The following DOP1B variants were observed in gnomAD, a reference collection of about 807,000 sequenced individuals.
DOP1B encodes the protein protein DOP1B.
DOP1B carries 174 observed loss-of-function variants against 233.5 expected under a neutral mutation model. That is an observed-to-expected ratio of 0.75 (90% CI 0.66 to 0.85). DOP1B has a LOEUF of 0.85. DOP1B is among the 40% of genes least tolerant of loss of function. DOP1B has a pLI of 0.00. For missense variants in DOP1B, 2,652 were observed against 2,846.6 expected, an observed-to-expected ratio of 0.93 and a Z score of 1.56; for synonymous variants, 1,190 against 1,185.6, an observed-to-expected ratio of 1.00 and a Z score of -0.08.
chr21:36,285,596 T>G (rs36068077), intron 32 of DOP1B, among the ~76,000 whole-genome samples: 98,492 of 151,946 alleles, frequency 0.65, 32,590 homozygotes, highest in African/African-American at 0.79. Flanking sequence ...GCCAGAGCTG[T>G]GGGACACTGA....
chr21:36,248,326 A>G (rs2066992588), intron 20 of DOP1B, 54 bp from the exon 21 acceptor site: 2 of 1,588,286 alleles, frequency 1.3e-6, no homozygotes, highest in East Asian at 4.5e-5. Flanking sequence ...CCTCGTGGGA[A>G]GAAAAACCAT....
rs564304952 is a variant in DOP1B at position 36,289,302 on chromosome 21, A to G, written c.6515+96A>G. ...TTGTTTTTCATGTACAGTTTATGGGAAACCACCATCTGGGTTTCTAGTGAC... is the reference window on the plus strand; with the variant it reads ...TTGTTTTTCATGTACAGTTTATGGGGAACCACCATCTGGGTTTCTAGTGAC... On this transcript the variant is annotated intron_variant, in intron 35 of 36. Transcript: ENST00000691173. The G allele has an allele frequency of 2.5e-4, 320 of 1,304,656 alleles. 1 individual carries two copies. The highest frequency in any genetic ancestry group is 5.1e-5 in the Non-Finnish European group (48 of 936,976). The allele number at this position is 1,304,656 out of a possible 1,614,324, so 80.8% of individuals were successfully genotyped here.
Position 36,256,190 on chromosome 21 carries a change from G to A in DOP1B, c.5259+2281G>A, listed in dbSNP as rs561083914. ...AATCTAAATGAAAATTAGGGGGGCC[G>A]GGCATGGTGGCTCATGCCTGTAGTC... On this transcript the variant is annotated intron_variant, in intron 23 of 36. Coordinates refer to ENST00000691173, the MANE Select transcript of DOP1B (RefSeq NM_001320714.2). 5.9e-5 allele frequency among the ~76,000 whole-genome samples: 9 copies of A among 152,248 alleles called. No individual in the cohort carries two copies. The South Asian group carries it at 8.3e-4, about 14-fold the overall frequency.
rs2067491892 is a variant in DOP1B, at chr21:36,286,955, C to T, written c.6161-1059C>T. Among the ~76,000 whole-genome samples, 4 of 150,610 alleles carry T rather than the reference C, an allele frequency of 2.7e-5. No individual in the cohort carries two copies. In the South Asian group the frequency reaches 8.3e-4, roughly 31 times the overall value. On this transcript the variant is annotated intron_variant, in intron 32 of 36. Coordinates refer to ENST00000691173, the MANE Select transcript of DOP1B (RefSeq NM_001320714.2). ...CTCTAGCCTGGGCAACAGAGTGAGA[C>T]TCCATCTCAAAAAAAAAAAAAATTT...
At position 36,200,456 on chromosome 21, in the gene DOP1B, T is replaced by C. The variant is rs1474879689; in HGVS notation, c.446T>C (p.Val149Ala). Reference sequence around the variant, plus strand: ...CTGCCCAGTCTGCAGGCCTTCATCGTGGGCCTGCTGCCCGGCCTTGAAGAG... The same window carrying C: ...CTGCCCAGTCTGCAGGCCTTCATCGCGGGCCTGCTGCCCGGCCTTGAAGAG... ...LLLPSLQAFI[V>A]GLLPGLEEGS... Residue 149 changes from valine (V) to alanine (A), a missense_variant, in exon 4 of 37, where the codon GTG (valine) becomes GCG (alanine). Physicochemically the swap from Val to Ala is moderately conservative, Grantham distance 64. Around this residue, in one of 3 missense-constraint regions of DOP1B, gnomAD observed 2,617 missense variants for 2,794.3 expected, o/e 0.94. Coordinates refer to ENST00000691173, the MANE Select transcript of DOP1B (RefSeq NM_001320714.2). 1 of 1,612,934 alleles carries C rather than the reference T, an allele frequency of 6.2e-7. No homozygotes were observed. The highest frequency in any genetic ancestry group is 2.2e-5 in the East Asian group (1 of 44,860).
At chr21:36,161,650 A>G (rs1442050639) in intron 1 of DOP1B, among the ~76,000 whole-genome samples, 1 of 152,142 alleles carries the variant, frequency 6.6e-6, no homozygotes, top group Non-Finnish European at 1.5e-5. Context: ...CACTGTGCCC[A>G]GATAATTTCA....
chr21:36,263,446 C>CT, intron 24 of DOP1B, 100 bp from the exon 25 acceptor site: 1 of 984,690 alleles, frequency 1.0e-6, no homozygotes, highest in Non-Finnish European at 1.6e-6. Context: ...ATGCTGTTTA[C>CT]CCTTTGCTTT....
chr21:36,281,625 C>T lies in DOP1B; in HGVS notation c.6160+14C>T, dbSNP rs752090535. The T allele has an allele frequency of 1.4e-5, 22 of 1,556,656 alleles. No individual in the cohort carries two copies. The African/African-American group carries it at 2.7e-4, about 19-fold the overall frequency. ...CACTGATACAAGGTAAGACAGCTGT[C>T]TTAGTCTGTTTTTTGCTGCTATAAC... On this transcript the variant is annotated intron_variant, in intron 32 of 36. Coordinates refer to ENST00000691173, the MANE Select transcript of DOP1B (RefSeq NM_001320714.2).
At position 36,212,058 on chromosome 21, in the gene DOP1B, G is replaced by C; in HGVS notation, c.865G>C (p.Asp289His). The change falls in exon 7 of 37, where the codon GAC becomes CAC. Residue 289 changes from aspartate to histidine, a missense_variant. Transcript: ENST00000691173. ...SAATQTLLRR[D>H]MSLNRRLYAW... The stretch of plus-strand genomic sequence containing the variant: ...CGCCACCCAGACCCTACTGAGAAGG[G>C]ACATGTCCCTGAACAGAAGACTGTA... 6.2e-7 allele frequency: 1 copy of C among 1,613,774 alleles called. No homozygotes were observed. The highest frequency in any genetic ancestry group is 8.5e-7 in the Non-Finnish European group (1 of 1,179,938).
At chr21:36,182,790 C>T (rs1268845179) in intron 2 of DOP1B, among the ~76,000 whole-genome samples, 1 of 152,192 alleles carries the variant, frequency 6.6e-6, no homozygotes, top group Non-Finnish European at 1.5e-5. Context: ...GTTTGCACAA[C>T]TGTCCTCTAG....
intron 1 of DOP1B, among the ~76,000 whole-genome samples, chr21:36,163,360 G>GAA (rs1016822093): frequency 6.4e-5 from 9 of 140,138 alleles, no homozygotes; most frequent in African/African-American, 2.4e-4. Flanking sequence ...AAAAAAAAAA[G>GAA]AAAGAAAGAA....
intron 32 of DOP1B, among the ~76,000 whole-genome samples, chr21:36,284,795 A>AAG (rs2146253781): frequency 6.6e-6 from 1 of 151,392 alleles, no homozygotes; most frequent in Non-Finnish European, 1.5e-5. Context: ...AATATAATAG[A>AAG]ATATATATAT....
In DOP1B at chr21:36,158,814, A is replaced by AAG. The variant is rs1337901619; in HGVS notation, c.-27+1872_-27+1873insGA. ...GAGACTCTTGTCTCAAAAAAAAAAAAAAAAGAAAAGAAAAAAGAAATGCAT... is the reference window on the plus strand; with the variant it reads ...GAGACTCTTGTCTCAAAAAAAAAAAAAGAAAAGAAAAGAAAAAAGAAATGCAT... On this transcript the variant is annotated intron_variant, in intron 1 of 36. Coordinates refer to ENST00000691173, the MANE Select transcript of DOP1B (RefSeq NM_001320714.2). Among the ~76,000 whole-genome samples the AAG allele has an allele frequency of 1.5e-3, 209 of 138,552 alleles. 1 individual carries two copies. Among genetic ancestry groups the AAG allele is most frequent in the Middle Eastern group, 7.2e-3 (2 of 276 alleles). The allele number at this position is 138,552 out of a possible 152,430, so 90.9% of individuals were successfully genotyped here. A position where few individuals can be genotyped will look rare whatever the true frequency, so the allele number is the denominator to read the frequency against.
chr21:36,208,787 C>T lies in DOP1B; in HGVS notation c.564C>T (p.Ser188=), dbSNP rs968394788. ...TGTTTTACACCGCCCTCTGGGGGAG[C>T]GTCCTGGCCAGCCCGTCCATCCGCC... The part of the protein sequence containing the change: ...KEVFYTALWG[S]VLASPSIRLP... Residue 188 remains serine, a synonymous_variant, in exon 5 of 37, where the codon AGC becomes AGT. Transcript: ENST00000691173. The T allele has an allele frequency of 1.6e-5, 25 of 1,611,746 alleles. No homozygotes were observed. The highest frequency in any genetic ancestry group is 4.5e-5 in the East Asian group (2 of 44,736).
chr21:36,287,485 C>A (rs1187454265), intron 32 of DOP1B, among the ~76,000 whole-genome samples: 1 of 150,466 alleles, frequency 6.6e-6, no homozygotes, highest in Non-Finnish European at 1.5e-5. Context: ...CTGTGGGAAT[C>A]ATTTCCTTAG....
At chr21:36,167,621 A>G (rs2065924881) in intron 2 of DOP1B, among the ~76,000 whole-genome samples, 1 of 152,172 alleles carries the variant, frequency 6.6e-6, no homozygotes, top group African/African-American at 2.4e-5. Flanking sequence ...TATGTTTACC[A>G]TGTTGTGTAA....
At chr21:36,221,143 A>C (rs559880787) in intron 10 of DOP1B, among the ~76,000 whole-genome samples, 1 of 151,938 alleles carries the variant, frequency 6.6e-6, no homozygotes, top group Non-Finnish European at 1.5e-5. Flanking sequence ...AGTTGTGAGT[A>C]GCTCTACACT....
chr21:36,172,438 A>G (rs1269170809), intron 2 of DOP1B, among the ~76,000 whole-genome samples: 1 of 152,178 alleles, frequency 6.6e-6, no homozygotes, highest in East Asian at 1.9e-4. Context: ...TTCTGCATTC[A>G]AGGGTCCCTG....
At position 36,247,539 on chromosome 21, in the gene DOP1B, A is replaced by G. The variant is rs772533241; in HGVS notation, c.4720A>G (p.Ile1574Val). 6.2e-7 allele frequency: 1 copy of G among 1,606,884 alleles called. No homozygotes were observed. The highest frequency in any genetic ancestry group is 1.1e-5 in the South Asian group (1 of 88,782). Residue 1574 changes from isoleucine to valine, a missense_variant, in exon 20 of 37, where the codon ATT becomes GTT. This residue lies in a region of DOP1B where 2,617 missense variants were observed against 2,794.3 expected (regional missense o/e 0.94). Transcript: ENST00000691173. ...CAGCACAACCTCCAAGAGGGAAAAC[A>G]TTTCTCCAGATTATCCACTCACCCT... is the stretch of plus-strand genomic sequence containing the variant. Reference protein sequence around the residue: ...SVSTTSKRENISPDYPLTLLE... With the variant: ...SVSTTSKRENVSPDYPLTLLE...
Sources: allele counts gnomAD v4.1 joint callset (sites outside exome capture counted in the v4.1 genomes callset), GRCh38; gene constraint gnomAD v4.1.1; regional missense constraint gnomAD v4.1.1; transcripts MANE v1.5; gene names NCBI Gene and HGNC (gene_info 2026-07-23, HGNC 2026-07-21).